The following MRPL1 variants were observed in gnomAD, a reference collection of about 807,000 sequenced individuals.
MRPL1 encodes large ribosomal subunit protein uL1m.
Under a neutral mutation model 38.0 loss-of-function variants are expected in MRPL1, and 28 were observed. That is an observed-to-expected ratio of 0.74 (90% confidence interval 0.55 to 1.01). The LOEUF (loss-of-function observed/expected upper bound fraction) is 1.01, where lower values mean the gene tolerates loss of function less well. MRPL1 is among the 50% of genes least tolerant of loss of function. MRPL1 has a pLI of 0.00. For missense variants in MRPL1, 358 were observed against 389.8 expected (o/e 0.92, Z 0.69); for synonymous variants, 123 against 126.7 (o/e 0.97, Z 0.20).
At chr4:77,944,043 G>A (rs1172544962) in intron 7 of MRPL1, among the ~76,000 whole-genome samples, 1 of 152,184 alleles carries the variant, frequency 6.6e-6, no homozygotes, top group Non-Finnish European at 1.5e-5. Flanking sequence ...GAGGCTCAAG[G>A]GCTGCTGTTC....
chr4:77,880,619 A>G (rs903032472), intron 2 of MRPL1, among the ~76,000 whole-genome samples: 6 of 151,776 alleles, frequency 4.0e-5, no homozygotes, highest in African/African-American at 1.5e-4. Flanking sequence ...CCAGAATACT[A>G]TTACACTAAT....
intron 7 of MRPL1, among the ~76,000 whole-genome samples, chr4:77,920,747 C>T (rs1334483379): frequency 1.3e-5 from 2 of 151,522 alleles, no homozygotes; most frequent in Non-Finnish European, 2.9e-5. Flanking sequence ...CTATAGTACC[C>T]TTCTCCCTTC....
chr4:77,891,333 T>C (rs954487226), intron 5 of MRPL1, among the ~76,000 whole-genome samples: 2 of 151,284 alleles, frequency 1.3e-5, no homozygotes, highest in African/African-American at 4.9e-5. Context: ...GCCACTCCTT[T>C]GGTTCAGTTT....
chr4:77,941,502 AT>A (rs1043118836), intron 7 of MRPL1, among the ~76,000 whole-genome samples: 1 of 152,064 alleles, frequency 6.6e-6, no homozygotes, highest in African/African-American at 2.4e-5. Flanking sequence ...TGGTCCTGGA[AT>A]TTTTTGTTGG....
intron 7 of MRPL1, among the ~76,000 whole-genome samples, chr4:77,932,031 TTTC>T (rs1736856051): frequency 6.6e-6 from 1 of 152,146 alleles, no homozygotes; most frequent in South Asian, 2.1e-4. Flanking sequence ...GCTCCAGAGA[TTTC>T]TTTTAGAAAA....
intron 5 of MRPL1, among the ~76,000 whole-genome samples, chr4:77,893,888 C>T (rs908473551): frequency 6.6e-6 from 1 of 152,038 alleles, no homozygotes; most frequent in Admixed American, 6.5e-5. Context: ...AACACTTTTG[C>T]CTAACACAAC....
At chr4:77,896,511 G>A (rs1408176090) in intron 6 of MRPL1, among the ~76,000 whole-genome samples, 2 of 152,068 alleles carry the variant, frequency 1.3e-5, no homozygotes, top group African/African-American at 4.8e-5. Context: ...AATGTTAAAT[G>A]GAATACATCA....
chr4:77,879,981 C>T (rs867732726), intron 2 of MRPL1, among the ~76,000 whole-genome samples: 5 of 152,268 alleles, frequency 3.3e-5, no homozygotes, highest in East Asian at 3.9e-4. Context: ...TGGAATTATA[C>T]GTTGAATTGG....
chr4:77,865,130 T>A (rs1289575625), intron 1 of MRPL1, among the ~76,000 whole-genome samples: 1 of 152,042 alleles, frequency 6.6e-6, no homozygotes, highest in Non-Finnish European at 1.5e-5. Flanking sequence ...TCTCAAGTGA[T>A]CCACTCACCT....
intron 2 of MRPL1, among the ~76,000 whole-genome samples, chr4:77,872,165 T>C (rs1560458904): frequency 6.6e-6 from 1 of 152,196 alleles, no homozygotes; most frequent in Non-Finnish European, 1.5e-5. Context: ...GTCAGAGAGC[T>C]ACTAAATTTT....
In MRPL1 at chr4:77,906,904, T is replaced by C. The variant is rs1022602401; in HGVS notation, c.671-2362T>C. Reference sequence around the variant, plus strand: ...GTGATACTGAAAAAACTTAGTATTTTTTAGTAATTATTCATTTGTATATCC... The same window carrying C: ...GTGATACTGAAAAAACTTAGTATTTCTTAGTAATTATTCATTTGTATATCC... On this transcript the variant is annotated intron_variant, in intron 6 of 8. Coordinates refer to ENST00000315567, the MANE Select transcript of MRPL1 (RefSeq NM_020236.4). 3 of 937,518 alleles carry C rather than the reference T, an allele frequency of 3.2e-6. No homozygotes were observed. The African/African-American group carries it at 5.3e-5, about 17-fold the overall frequency. The allele number at this position is 937,518 out of a possible 1,614,324, so 58.1% of individuals were successfully genotyped here.
At chr4:77,950,961 C>T (rs1400206728) in intron 8 of MRPL1, among the ~76,000 whole-genome samples, 1 of 152,224 alleles carries the variant, frequency 6.6e-6, no homozygotes, top group Non-Finnish European at 1.5e-5. Flanking sequence ...ACCTCCGCCT[C>T]CCGGGTTCAA....
In MRPL1 at chr4:77,883,242, G is replaced by A. The variant is rs778195642; in HGVS notation, c.144G>A (p.Lys48=). Residue 48 remains lysine, a splice_region_variant and synonymous_variant, in exon 3 of 9, where the codon AAG becomes AAA. Transcript: ENST00000315567. ...TAACTCAACTTTATTTTCTTTTAAG[G>A]TCTGCAAAGAAAACAAAAAAAGGTG... ...VPNRHFAAAT[K]SAKKTKKGAK... 1.3e-6 allele frequency: 2 copies of A among 1,545,540 alleles called. No individual in the cohort carries two copies. The highest frequency in any genetic ancestry group is 8.7e-7 in the Non-Finnish European group (1 of 1,148,056).
intron 5 of MRPL1, among the ~76,000 whole-genome samples, chr4:77,888,788 G>A (rs1272408089): frequency 6.6e-6 from 1 of 152,012 alleles, no homozygotes; most frequent in African/African-American, 2.4e-5. Flanking sequence ...ATGTATATAT[G>A]TACCATGTTG....
intron 2 of MRPL1, among the ~76,000 whole-genome samples, chr4:77,875,920 A>G (rs1735378660): frequency 6.6e-6 from 1 of 152,144 alleles, no homozygotes; most frequent in South Asian, 2.1e-4. Flanking sequence ...AGTTTTCCAC[A>G]TGCCTAACAA....
chr4:77,929,925 C>T (rs965990742), intron 7 of MRPL1, among the ~76,000 whole-genome samples: 11 of 152,082 alleles, frequency 7.2e-5, no homozygotes, highest in African/African-American at 2.4e-4. Flanking sequence ...CCAGGTGAGA[C>T]AGCATAATCA....
intron 7 of MRPL1, among the ~76,000 whole-genome samples, chr4:77,942,984 A>G (rs138416693): frequency 1.8e-3 from 281 of 152,156 alleles, no homozygotes; most frequent in African/African-American, 6.2e-3. Flanking sequence ...TGTGAGATTT[A>G]TGTTTTAAGG....
chr4:77,898,773 C>T (rs975469175), intron 6 of MRPL1, among the ~76,000 whole-genome samples: 3 of 151,784 alleles, frequency 2.0e-5, no homozygotes, highest in East Asian at 1.9e-4. Flanking sequence ...GGATTACATG[C>T]GTGAGCCACC....
intron 6 of MRPL1, among the ~76,000 whole-genome samples, chr4:77,894,813 T>C (rs1419946575): frequency 6.6e-6 from 1 of 152,076 alleles, no homozygotes; most frequent in East Asian, 1.9e-4. Flanking sequence ...AGTTTACACA[T>C]AGGTGAGGAA....
Sources: gnomAD v4.1 joint callset for allele counts (sites outside exome capture counted in the v4.1 genomes callset) on GRCh38, gnomAD v4.1.1 for gene constraint, MANE v1.5 for transcripts, NCBI Gene and HGNC (gene_info 2026-07-23, HGNC 2026-07-21) for gene names.